TBC1D5: variants seen among roughly 807,000 people sequenced by gnomAD.
TBC1D5 encodes the protein TBC1 domain family member 5.
TBC1D5 carries 75 observed loss-of-function variants against 100.3 expected under a neutral mutation model. The ratio of observed to expected loss-of-function variants is 0.75; its 90% CI spans 0.62 to 0.91. The LOEUF (loss-of-function observed/expected upper bound fraction) is 0.91. Ranked by LOEUF, TBC1D5 falls within the 40% of genes least tolerant of loss-of-function variation. The pLI is 0.00. For missense variants in TBC1D5, 910 were observed against 942.4 expected (o/e 0.97, Z 0.45); for synonymous variants, 323 against 325.6 (o/e 0.99, Z 0.09).
intron 3 of TBC1D5, among the ~76,000 whole-genome samples, chr3:17,458,353 C>T (rs1351594709): frequency 6.6e-6 from 1 of 152,134 alleles, no homozygotes; most frequent in Non-Finnish European, 1.5e-5. Flanking sequence ...AGCTTTGTTC[C>T]AGAGTCCACG....
At chr3:17,734,852 G>T (rs757744940) in intron 1 of TBC1D5, among the ~76,000 whole-genome samples, 3 of 152,050 alleles carry the variant, frequency 2.0e-5, no homozygotes, top group African/African-American at 7.3e-5. Context: ...TTGGGAGGCC[G>T]ATGTGGGAGG....
intron 2 of TBC1D5, among the ~76,000 whole-genome samples, chr3:17,582,434 T>C (rs1236058548): frequency 6.6e-6 from 1 of 152,148 alleles, no homozygotes; most frequent in Non-Finnish European, 1.5e-5. Context: ...CATTTAGCCT[T>C]TCTGAAGTTG....
At chr3:17,259,333 T>C (rs1174523860) in intron 15 of TBC1D5, among the ~76,000 whole-genome samples, 1 of 152,234 alleles carries the variant, frequency 6.6e-6, no homozygotes, top group Non-Finnish European at 1.5e-5. Flanking sequence ...TGTGTTGCTA[T>C]TATTTAAACA....
intron 7 of TBC1D5, 25 bp downstream of exon 7, chr3:17,404,669 A>C (rs1240934825): frequency 1.3e-6 from 2 of 1,573,594 alleles, no homozygotes; most frequent in South Asian, 2.4e-5. Flanking sequence ...AAAGAGGTTA[A>C]GACATGAACA....
intron 4 of TBC1D5, among the ~76,000 whole-genome samples, chr3:17,409,240 A>G (rs1461540612): frequency 2.6e-5 from 4 of 152,156 alleles, no homozygotes; most frequent in Non-Finnish European, 5.9e-5. Context: ...CTCTTTCATT[A>G]TATCTGTTAT....
chr3:17,513,594 C>G (rs2095942180), intron 2 of TBC1D5, among the ~76,000 whole-genome samples: 1 of 152,126 alleles, frequency 6.6e-6, no homozygotes, highest in African/African-American at 2.4e-5. Flanking sequence ...TAAAAACATT[C>G]ATATTCAGAA....
At chr3:17,676,454 G>A (rs150324367) in intron 1 of TBC1D5, among the ~76,000 whole-genome samples, 3,440 of 152,162 alleles carry the variant, frequency 0.023, 111 homozygotes, top group African/African-American at 0.077. Flanking sequence ...GGGATGTGAA[G>A]GACTTCTTCA....
intron 1 of TBC1D5, among the ~76,000 whole-genome samples, chr3:17,682,254 T>C (rs1249011313): frequency 1.3e-5 from 2 of 150,930 alleles, no homozygotes; most frequent in African/African-American, 4.9e-5. Context: ...CAAGACCCCA[T>C]CTCTAGAAAA....
intron 9 of TBC1D5, among the ~76,000 whole-genome samples, chr3:17,380,045 A>ATGTGTGTGTGTGTG (rs3041142): frequency 0.022 from 2,454 of 112,322 alleles, 39 homozygotes; most frequent in Admixed American, 0.038. Context: ...GTGACTGTGT[A>ATGTGTGTGTGTGTG]TGTGTGTGTG....
chr3:17,476,694 A>G (rs1489614228), intron 3 of TBC1D5, among the ~76,000 whole-genome samples: 3 of 152,014 alleles, frequency 2.0e-5, no homozygotes, highest in African/African-American at 4.8e-5. Context: ...GGAAAACCTA[A>G]TAACTCTGTG....
chr3:17,677,939 T>G (rs572384861), intron 1 of TBC1D5, among the ~76,000 whole-genome samples: 2 of 152,044 alleles, frequency 1.3e-5, no homozygotes, highest in Admixed American at 1.3e-4. Flanking sequence ...TAGGTGGGAA[T>G]TGAACAATGA....
intron 17 of TBC1D5, among the ~76,000 whole-genome samples, chr3:17,224,550 A>G (rs1215949425): frequency 6.6e-6 from 1 of 152,238 alleles, no homozygotes; most frequent in Non-Finnish European, 1.5e-5. Context: ...CTCAGTGGCT[A>G]CATGTGGCTA....
At chr3:17,268,002 C>T (rs578012701) in intron 15 of TBC1D5, among the ~76,000 whole-genome samples, 1 of 152,088 alleles carries the variant, frequency 6.6e-6, no homozygotes, top group African/African-American at 2.4e-5. Context: ...GAAGAAATCA[C>T]GATGCAAACA....
chr3:17,558,426 A>G (rs970200565), intron 2 of TBC1D5, among the ~76,000 whole-genome samples: 3 of 152,194 alleles, frequency 2.0e-5, no homozygotes, highest in African/African-American at 7.2e-5. Flanking sequence ...TAAAATGGAC[A>G]TCTATTTTAA....
At chr3:17,654,257 T>G (rs985189347) in intron 1 of TBC1D5, among the ~76,000 whole-genome samples, 8 of 152,180 alleles carry the variant, frequency 5.3e-5, no homozygotes, top group Admixed American at 5.2e-4. Flanking sequence ...CTGACAAATT[T>G]GTTTGATAAT....
At chr3:17,420,979 G>A (rs2094194004) in intron 4 of TBC1D5, among the ~76,000 whole-genome samples, 1 of 152,192 alleles carries the variant, frequency 6.6e-6, no homozygotes, top group South Asian at 2.1e-4. Flanking sequence ...GGGCTTGAAG[G>A]GGTTTCTAAA....
At chr3:17,258,647 T>A (rs908969929) in intron 15 of TBC1D5, 56 bp from the exon 16 acceptor site, 16 of 1,361,340 alleles carry the variant, frequency 1.2e-5, no homozygotes, top group African/African-American at 1.0e-4. Context: ...CATTAACATA[T>A]AAGAGGACAG....
chr3:17,170,690 G>A (rs770117904), intron 19 of TBC1D5, among the ~76,000 whole-genome samples: 1 of 151,830 alleles, frequency 6.6e-6, no homozygotes, highest in Non-Finnish European at 1.5e-5. Context: ...AGTGGAAAAT[G>A]AAACCCAGAA....
chr3:17,456,682 A>G (rs2095092063), intron 3 of TBC1D5, among the ~76,000 whole-genome samples: 1 of 152,178 alleles, frequency 6.6e-6, no homozygotes, highest in Non-Finnish European at 1.5e-5. Context: ...ACTCTTATAC[A>G]CTGCTGGTGG....
Sources: gnomAD v4.1 joint callset for allele counts (sites outside exome capture counted in the v4.1 genomes callset) on GRCh38, gnomAD v4.1.1 for gene constraint, MANE v1.5 for transcripts, NCBI Gene and HGNC (gene_info 2026-07-23, HGNC 2026-07-21) for gene names.